PREP: variants seen among roughly 807,000 people sequenced by gnomAD.
The protein encoded by PREP is prolyl endopeptidase.
Under a neutral mutation model 87.6 loss-of-function variants are expected in PREP, and 29 were observed. The ratio of observed to expected loss-of-function variants is 0.33; its 90% confidence interval spans 0.25 to 0.45. The LOEUF is 0.45. PREP is among the 20% of genes least tolerant of loss of function. PREP has a pLI of 1.00. For missense variants in PREP, 695 were observed against 886.5 expected, an observed-to-expected ratio of 0.78 and a Z score of 2.74; for synonymous variants, 337 against 328.6, an observed-to-expected ratio of 1.03 and a Z score of -0.28.
At chr6:105,296,736 G>C (rs926684646) in intron 10 of PREP, among the ~76,000 whole-genome samples, 1 of 152,042 alleles carries the variant, frequency 6.6e-6, no homozygotes, top group African/African-American at 2.4e-5. Flanking sequence ...GGCTTCCTGG[G>C]TGGAGTATTT....
At chr6:105,325,786 C>G (rs1307170164) in intron 9 of PREP, among the ~76,000 whole-genome samples, 1 of 152,126 alleles carries the variant, frequency 6.6e-6, no homozygotes, top group African/African-American at 2.4e-5. Context: ...AGAAAACATC[C>G]TAGACTCATA....
rs777415525 is a variant in PREP, at chr6:105,278,216, G to A, written c.2061C>T (p.Ala687=). The change falls in exon 15 of 15, where the codon GCC becomes GCT. Residue 687 remains alanine, a synonymous_variant. Coordinates refer to ENST00000652536, the MANE Select transcript of PREP (RefSeq NM_002726.5). The surrounding 1 kb of genome is among the most constrained non-coding windows in gnomAD (Gnocchi z 4.2). ...KAGHGAGKPT[A]KVIEEVSDMF... ...TGTCTGAGACTTCCTCTATCACTTT[G>A]GCTGTGGGCTTCCCCGCCCCGTGGC... The A allele has an allele frequency of 1.4e-5, 23 of 1,614,108 alleles. No individual in the cohort carries two copies. Among genetic ancestry groups the A allele is most frequent in the Non-Finnish European group, 1.9e-5 (23 of 1,180,062 alleles).
At chr6:105,312,493 A>G (rs1770777712) in intron 10 of PREP, among the ~76,000 whole-genome samples, 1 of 152,202 alleles carries the variant, frequency 6.6e-6, no homozygotes, top group Non-Finnish European at 1.5e-5. Flanking sequence ...TTTTATATCA[A>G]TTTCTGCATG....
At position 105,371,820 on chromosome 6, in the gene PREP, A is replaced by G. The variant is rs1772565036; in HGVS notation, c.595+1549T>C. 2.0e-5 allele frequency among the ~76,000 whole-genome samples: 3 copies of G among 152,228 alleles called. 1 individual carries two copies. Among genetic ancestry groups the G allele is most frequent in the East Asian group, 3.8e-4 (2 of 5,206 alleles). ...AGGCTACTGAGATGTTGGCTTTCTT[A>G]TATCTATCACAATTACTAATTATTA... is the stretch of plus-strand genomic sequence containing the variant. On this transcript the variant is annotated intron_variant, in intron 5 of 14. Transcript: ENST00000652536.
chr6:105,372,105 T>G (rs1772573694), intron 5 of PREP, among the ~76,000 whole-genome samples: 1 of 151,992 alleles, frequency 6.6e-6, no homozygotes, highest in Non-Finnish European at 1.5e-5. Flanking sequence ...ATTGGCGAAT[T>G]TATAAAAAAG....
At chr6:105,382,056 A>G (rs938467624) in intron 2 of PREP, among the ~76,000 whole-genome samples, 4 of 152,146 alleles carry the variant, frequency 2.6e-5, no homozygotes, top group African/African-American at 9.7e-5. Flanking sequence ...CCAGGCACGG[A>G]AAGATGAATA....
intron 5 of PREP, among the ~76,000 whole-genome samples, chr6:105,371,516 AAAAAAAAAAAGGTTAAGC>A (rs1321345879): frequency 7.7e-4 from 117 of 151,470 alleles, no homozygotes; most frequent in Middle Eastern, 6.8e-3. Context: ...AAAAAAAAAA[AAAAAAAAAAAGGTTAAGC>A]ATTGGTTGAA....
intron 11 of PREP, among the ~76,000 whole-genome samples, chr6:105,287,781 C>T (rs577957328): frequency 6.6e-6 from 1 of 152,312 alleles, no homozygotes; most frequent in Admixed American, 6.5e-5. Context: ...GCTAGTCTTG[C>T]TGGTGGGAAA....
At chr6:105,305,722 T>TGACAGCCCA (rs1163497624) in intron 10 of PREP, among the ~76,000 whole-genome samples, 1 of 152,224 alleles carries the variant, frequency 6.6e-6, no homozygotes, top group Non-Finnish European at 1.5e-5. Context: ...ATATCTTTTT[T>TGACAGCCCA]GACAGCCCAG....
intron 10 of PREP, 125 bp downstream of exon 10, chr6:105,323,539 TG>T: frequency 1.2e-6 from 1 of 853,872 alleles, no homozygotes; most frequent in East Asian, 2.6e-5. Context: ...CCGTCAACCG[TG>T]GGGGCTACAA....
rs1479442359 is a variant in PREP at position 105,277,197 on chromosome 6, A to G, written c.*947T>C. ...TTTTTTCCAGTAAGTAAGTATGACTATTTCTATTTCCAGGAGTGATCTATG... is the reference window on the plus strand; with the variant it reads ...TTTTTTCCAGTAAGTAAGTATGACTGTTTCTATTTCCAGGAGTGATCTATG... On this transcript the variant is annotated 3_prime_UTR_variant, in exon 15 of 15. Transcript: ENST00000652536. Among the ~76,000 whole-genome samples, 2 of 145,236 alleles carry G rather than the reference A, an allele frequency of 1.4e-5. No individual in the cohort carries two copies. Among genetic ancestry groups the G allele is most frequent in the African/African-American group, 5.3e-5 (2 of 37,728 alleles).
Position 105,275,215 on chromosome 6 carries a change from G to A in PREP, c.*2929C>T, listed in dbSNP as rs1017916755. 1.5e-4 allele frequency among the ~76,000 whole-genome samples: 23 copies of A among 152,188 alleles called. No individual in the cohort carries two copies. Among genetic ancestry groups the A allele is most frequent in the Non-Finnish European group, 1.6e-4 (11 of 68,032 alleles). Reference sequence around the variant, plus strand: ...AACTCCTTCTGGGCATTAGCTATGTGGCCTGCTGGGAACTTCCAGAGGCTG... The same window carrying A: ...AACTCCTTCTGGGCATTAGCTATGTAGCCTGCTGGGAACTTCCAGAGGCTG... On this transcript the variant is annotated 3_prime_UTR_variant, in exon 15 of 15. Coordinates refer to ENST00000652536, the MANE Select transcript of PREP (RefSeq NM_002726.5).
chr6:105,367,619 C>T (rs1327246527), intron 6 of PREP, among the ~76,000 whole-genome samples: 1 of 150,524 alleles, frequency 6.6e-6, no homozygotes, highest in Non-Finnish European at 1.5e-5. Flanking sequence ...TTGCAGTGAG[C>T]CGAGATCCCG....
rs530035077 is a variant in PREP, at chr6:105,353,814, G to A, written c.718-737C>T. On this transcript the variant is annotated intron_variant, in intron 6 of 14. Coordinates refer to ENST00000652536, the MANE Select transcript of PREP (RefSeq NM_002726.5). Reference sequence around the variant, plus strand: ...AAGAATTAGCAAAATGGGTATGGACGCAAGAAATTCACTATGGTTCACACT... The same window carrying A: ...AAGAATTAGCAAAATGGGTATGGACACAAGAAATTCACTATGGTTCACACT... 4.7e-5 allele frequency among the ~76,000 whole-genome samples: 7 copies of A among 150,070 alleles called. No homozygotes were observed. In the South Asian group the frequency reaches 6.4e-4, roughly 14 times the overall value.
chr6:105,388,576 G>C (rs188798869), intron 2 of PREP, among the ~76,000 whole-genome samples: 1 of 152,272 alleles, frequency 6.6e-6, no homozygotes, highest in African/African-American at 2.4e-5. Context: ...ATCCCATCCG[G>C]AGATCAGAAG....
intron 11 of PREP, 36 bp downstream of exon 11, chr6:105,288,722 T>C (rs1449113784): frequency 3.7e-6 from 6 of 1,610,058 alleles, no homozygotes; most frequent in Non-Finnish European, 5.1e-6. Flanking sequence ...ATGGAAAAGA[T>C]AAAATACTGG....
Position 105,282,542 on chromosome 6 carries a change from A to C in PREP, c.1590T>G (p.Phe530Leu). ...TGATCAGATACTCAGCAGCACACTG[A>C]AAGTCATCAAAGCAGTTTTGTTTGT... ...LANKQNCFDD[F>L]QCAAEYLIKE... Residue 530 changes from phenylalanine (F) to leucine (L), a missense_variant, in exon 13 of 15, where the codon TTT becomes TTG. Phe to Leu is a conservative substitution (Grantham distance 22). Transcript: ENST00000652536. The C allele has an allele frequency of 6.2e-7, 1 of 1,614,184 alleles. No individual in the cohort carries two copies.
At chr6:105,351,366 T>C (rs57940840) in intron 7 of PREP, among the ~76,000 whole-genome samples, 50,860 of 151,948 alleles carry the variant, frequency 0.33, 11,183 homozygotes, top group African/African-American at 0.63. Context: ...AGCTACACTA[T>C]CTAGAATTTG....
intron 10 of PREP, among the ~76,000 whole-genome samples, chr6:105,289,249 G>C (rs1770248541): frequency 6.6e-6 from 1 of 152,180 alleles, no homozygotes; most frequent in Non-Finnish European, 1.5e-5. Flanking sequence ...ACAGAAAACA[G>C]GCTTTCCATT....
Sources: gnomAD v4.1 joint callset for allele counts (sites outside exome capture counted in the v4.1 genomes callset) on GRCh38, gnomAD v4.1.1 for gene constraint, Gnocchi (gnomAD v3.1) non-coding constraint, MANE v1.5 for transcripts, NCBI Gene and HGNC (gene_info 2026-07-23, HGNC 2026-07-21) for gene names.